The following SMARCE1 variants were observed in gnomAD, a reference collection of about 807,000 sequenced individuals.
SMARCE1 encodes the protein SWI/SNF related BAF chromatin remodeling complex subunit E1.
A neutral mutation model predicts 54.9 loss-of-function variants in SMARCE1; 13 were observed. The observed-to-expected ratio is 0.24, with a 90% CI of 0.15 to 0.38. SMARCE1 has a LOEUF of 0.38. Among genes scored for constraint, SMARCE1 ranks in the 10% least tolerant of loss-of-function variants. SMARCE1 has a pLI of 1.00. For synonymous variants in SMARCE1, 151 were observed against 175.3 expected, an observed-to-expected ratio of 0.86 and a Z score of 1.10; for missense variants, 295 against 523.8, an observed-to-expected ratio of 0.56 and a Z score of 4.26.
At position 40,628,536 on chromosome 17, in the gene SMARCE1, A is replaced by G. The variant is rs2037057379; in HGVS notation, c.*249T>C. The G allele has an allele frequency of 1.4e-5, 6 of 433,160 alleles. No individual in the cohort carries two copies. The Admixed American group carries it at 1.5e-4, about 11-fold the overall frequency. The allele number at this position is 433,160 out of a possible 1,614,324, so 26.8% of individuals were successfully genotyped here. On this transcript the variant is annotated 3_prime_UTR_variant, in exon 11 of 11. Coordinates refer to ENST00000348513, the MANE Select transcript of SMARCE1 (RefSeq NM_003079.5). ...AAAGAGGTGGGTGTTTTCTCAATTA[A>G]TCTAAATTCTGAGGCTTTCAGCAGT...
At chr17:40,644,176 A>G (rs2037227802) in intron 3 of SMARCE1, 1 of 152,238 alleles carries the variant, frequency 6.6e-6, no homozygotes, top group Admixed American at 6.5e-5. Flanking sequence ...ATAAATTATA[A>G]GGGGACACTT....
intron 1 of SMARCE1, among the ~76,000 whole-genome samples, chr17:40,646,359 A>T (rs1418271379): frequency 2.0e-5 from 3 of 152,230 alleles, no homozygotes; most frequent in Admixed American, 1.3e-4. Flanking sequence ...TTATAATGGT[A>T]AATAGCTTCA....
intron 7 of SMARCE1, chr17:40,632,630 C>T (rs372238789): frequency 2.0e-4 from 74 of 377,922 alleles, no homozygotes; most frequent in African/African-American, 1.3e-3. Context: ...AAAACATAAA[C>T]GAGATACAAC....
At position 40,630,708 on chromosome 17, in the gene SMARCE1, G is replaced by C. The variant is rs1245988748; in HGVS notation, c.1027+6C>G. 1 of 1,612,094 alleles carries C rather than the reference G, an allele frequency of 6.2e-7. No individual in the cohort carries two copies. The highest frequency in any genetic ancestry group is 1.1e-5 in the South Asian group (1 of 91,032). The stretch of plus-strand genomic sequence containing the variant: ...ACTGCCTCTGCGTTTGTTGCTAGTG[G>C]GTTACCTGTCTCCATCGGAATGTTC... On this transcript the variant is annotated splice_donor_region_variant and intron_variant, in intron 10 of 10. Coordinates refer to ENST00000348513, the MANE Select transcript of SMARCE1 (RefSeq NM_003079.5).
Position 40,630,851 on chromosome 17 carries a change from C to T in SMARCE1, c.890G>A (p.Arg297His), listed in dbSNP as rs1172017371. The change falls in exon 10 of 11, where the codon CGC (arginine) becomes CAC (histidine). Residue 297 changes from arginine (R) to histidine (H), a missense_variant. Around this residue, in one of 5 missense-constraint regions of SMARCE1, gnomAD observed 147 missense variants for 161.4 expected, o/e 0.91. Transcript: ENST00000348513. ...AEIAQAEEQARKRQEEREKEA... is the reference protein window; with the variant it reads ...AEIAQAEEQAHKRQEEREKEA... ...CTTCTCCCTTTCCTCCTGCCTTTTG[C>T]GGGCCTGTTCCTCTGCCTGTGCAAT... 8.1e-6 allele frequency: 13 copies of T among 1,613,944 alleles called. No homozygotes were observed. Among genetic ancestry groups the T allele is most frequent in the East Asian group, 2.2e-5 (1 of 44,880 alleles).
rs373911947 is a variant in SMARCE1 at position 40,638,130 on chromosome 17, T to C, written c.157-558A>G. 1.1e-4 allele frequency among the ~76,000 whole-genome samples: 17 copies of C among 152,346 alleles called. No homozygotes were observed. The South Asian group carries it at 3.3e-3, about 30-fold the overall frequency. ...CTCCTTTGCCAGGCTAGAGATTTTATTTCTCTTAAGGTTCTGTCTGTTACC... is the reference window on the plus strand; with the variant it reads ...CTCCTTTGCCAGGCTAGAGATTTTACTTCTCTTAAGGTTCTGTCTGTTACC... On this transcript the variant is annotated intron_variant, in intron 4 of 10. Coordinates refer to ENST00000348513, the MANE Select transcript of SMARCE1 (RefSeq NM_003079.5).
chr17:40,632,603 C>T, intron 7 of SMARCE1: 1 of 429,888 alleles, frequency 2.3e-6, no homozygotes, highest in African/African-American at 2.0e-5. Context: ...AATGTTGTGT[C>T]TGAGAAGGAT....
At position 40,628,670 on chromosome 17, in the gene SMARCE1, G is replaced by T; in HGVS notation, c.*115C>A. The stretch of plus-strand genomic sequence containing the variant: ...ATGCTAAATGGTCCAAAAGCCTTTG[G>T]TGGTGTGATATGGACAAGAAAAAAA... On this transcript the variant is annotated 3_prime_UTR_variant, in exon 11 of 11. Coordinates refer to ENST00000348513, the MANE Select transcript of SMARCE1 (RefSeq NM_003079.5). The T allele has an allele frequency of 1.3e-6, 1 of 748,032 alleles. No individual in the cohort carries two copies. Among genetic ancestry groups the T allele is most frequent in the Non-Finnish European group, 2.2e-6 (1 of 446,910 alleles). The allele number at this position is 748,032 out of a possible 1,614,324, so 46.3% of individuals were successfully genotyped here. A position where few individuals can be genotyped will look rare whatever the true frequency, so the allele number is the denominator to read the frequency against.
In SMARCE1 at chr17:40,642,455, C is replaced by T. The variant is rs1240295309; in HGVS notation, c.156G>A (p.Thr52=). Residue 52 remains threonine, a splice_region_variant and synonymous_variant, in exon 4 of 11, where the codon ACG becomes ACA. Coordinates refer to ENST00000348513, the MANE Select transcript of SMARCE1 (RefSeq NM_003079.5). This position sits in a 1 kb window ranked among gnomAD's most constrained non-coding sequence, Gnocchi z 4.6. Reference sequence around the variant, plus strand: ...ATGCTGTAATAGTTGATTCTCCTACCGTGACCCGGCTGTTGGTGCCCGGGT... The same window carrying T: ...ATGCTGTAATAGTTGATTCTCCTACTGTGACCCGGCTGTTGGTGCCCGGGT... The part of the protein sequence containing the change: ...GGNPGTNSRV[T]ASSGITIPKP... 6.4e-7 allele frequency: 1 copy of T among 1,569,936 alleles called. No individual in the cohort carries two copies. The highest frequency in any genetic ancestry group is 8.8e-7 in the Non-Finnish European group (1 of 1,139,854).
intron 7 of SMARCE1, chr17:40,634,445 T>C (rs1376179696): frequency 6.6e-6 from 1 of 152,288 alleles, no homozygotes; most frequent in Non-Finnish European, 1.5e-5. Flanking sequence ...GTCTATCTTT[T>C]GATAGTCCTC....
At position 40,628,718 on chromosome 17, in the gene SMARCE1, A is replaced by G; in HGVS notation, c.*67T>C. 1 of 1,311,308 alleles carries G rather than the reference A, an allele frequency of 7.6e-7. No individual in the cohort carries two copies. The highest frequency in any genetic ancestry group is 1.1e-6 in the Non-Finnish European group (1 of 916,530). 81.2% of individuals were successfully genotyped at this position (1,311,308 alleles called of 1,614,324 possible). A position where few individuals can be genotyped will look rare whatever the true frequency, so the allele number is the denominator to read the frequency against. ...AAAATTAATACACAAACCACGTAAC[A>G]CCATTAAAACCAAAAAACATTTTTT... On this transcript the variant is annotated 3_prime_UTR_variant, in exon 11 of 11. Coordinates refer to ENST00000348513, the MANE Select transcript of SMARCE1 (RefSeq NM_003079.5).
At chr17:40,645,394 G>C in intron 3 of SMARCE1, 182 bp downstream of exon 3, 1 of 488,300 alleles carries the variant, frequency 2.0e-6, no homozygotes, top group Non-Finnish European at 3.6e-6. Flanking sequence ...TAAATGTTGG[G>C]GTTGGTTCAA....
intron 3 of SMARCE1, chr17:40,643,512 T>C (rs1311190561): frequency 1.3e-5 from 2 of 152,144 alleles, no homozygotes; most frequent in African/African-American, 4.8e-5. Flanking sequence ...GCTAATACAA[T>C]GACACTCAAT....
At position 40,632,626 on chromosome 17, in the gene SMARCE1, TA is replaced by T. The variant is rs958244260; in HGVS notation, c.542-260del. The stretch of plus-strand genomic sequence containing the variant: ...GTCTGAGAAGGATTTGGCTAAAACA[TA>T]AACGAGATACAACATGTCTCTTCTG... On this transcript the variant is annotated intron_variant, in intron 7 of 10. Coordinates refer to ENST00000348513, the MANE Select transcript of SMARCE1 (RefSeq NM_003079.5). 4 of 392,862 alleles carry T rather than the reference TA, an allele frequency of 1.0e-5. No individual in the cohort carries two copies. In the Admixed American group the frequency reaches 1.7e-4, roughly 17 times the overall value. 24.3% of individuals were successfully genotyped at this position (392,862 alleles called of 1,614,324 possible).
At position 40,628,289 on chromosome 17, in the gene SMARCE1, C is replaced by T. The variant is rs1438002853; in HGVS notation, c.*496G>A. The T allele has an allele frequency of 6.4e-6, 1 of 156,150 alleles. No individual in the cohort carries two copies. The highest frequency in any genetic ancestry group is 6.2e-5 in the Admixed American group (1 of 16,034). The allele number at this position is 156,150 out of a possible 1,614,324, so 9.7% of individuals were successfully genotyped here. A position where few individuals can be genotyped will look rare whatever the true frequency, so the allele number is the denominator to read the frequency against. On this transcript the variant is annotated 3_prime_UTR_variant, in exon 11 of 11. Transcript: ENST00000348513. Reference sequence around the variant, plus strand: ...GCTTAACACAACTCTTGGTATCTGACATTGATTAAAAGTAAAAAAGGGTAA... The same window carrying T: ...GCTTAACACAACTCTTGGTATCTGATATTGATTAAAAGTAAAAAAGGGTAA...
chr17:40,637,546 T>G lies in SMARCE1; in HGVS notation c.183A>C (p.Lys61Asn), dbSNP rs12103928. The G allele has an allele frequency of 6.2e-7, 1 of 1,613,056 alleles. No individual in the cohort carries two copies. Among genetic ancestry groups the G allele is most frequent in the Middle Eastern group, 1.7e-4 (1 of 6,058 alleles). Residue 61 changes from lysine (K) to asparagine (N), a missense_variant, in exon 5 of 11, where the codon AAA (lysine) becomes AAC (asparagine). Transcript: ENST00000348513. ...GCGGCTTATCTGGTGGCTTTGGGGG[T>G]TTTGGAATCGTGATACCAGAGGATG... ...VTASSGITIP[K>N]PPKPPDKPLM... is the part of the protein sequence containing the mutation.
chr17:40,628,824 T>C lies in SMARCE1; in HGVS notation c.1197A>G (p.Pro399=). The change falls in exon 11 of 11, where the codon CCA becomes CCG. Residue 399 remains proline (P), a synonymous_variant. Coordinates refer to ENST00000348513, the MANE Select transcript of SMARCE1 (RefSeq NM_003079.5). ...CATCTTCTGGTATGGGATCTGTTGG[T>C]GGCTCCTCCACTGTTGCACTGTTGC... ...SESNSATVEE[P]PTDPIPEDEK... 1 of 1,613,852 alleles carries C rather than the reference T, an allele frequency of 6.2e-7. No individual in the cohort carries two copies. The highest frequency in any genetic ancestry group is 8.5e-7 in the Non-Finnish European group (1 of 1,179,808).
At chr17:40,631,436 A>G (rs1567845525) in intron 9 of SMARCE1, 156 bp downstream of exon 9, 1 of 563,938 alleles carries the variant, frequency 1.8e-6, no homozygotes, top group South Asian at 2.4e-5. Context: ...AATGGGAACA[A>G]TCTTATAAAA....
chr17:40,642,263 A>G lies in SMARCE1; in HGVS notation c.156+192T>C, dbSNP rs2037206517. ...ACAGAATGGATTTTTCTTTTCTTCT[A>G]TATACATTCCAGATCTCACTATTTA... is the stretch of plus-strand genomic sequence containing the variant. On this transcript the variant is annotated intron_variant, in intron 4 of 10. Transcript: ENST00000348513. This position sits in a 1 kb window ranked among gnomAD's most constrained non-coding sequence, Gnocchi z 4.6. 9 of 649,038 alleles carry G rather than the reference A, an allele frequency of 1.4e-5. No individual in the cohort carries two copies. Among genetic ancestry groups the G allele is most frequent in the South Asian group, 1.2e-4 (7 of 56,908 alleles). 40.2% of individuals were successfully genotyped at this position (649,038 alleles called of 1,614,324 possible). A position where few individuals can be genotyped will look rare whatever the true frequency, so the allele number is the denominator to read the frequency against.
Sources: gnomAD v4.1 joint callset for allele counts (sites outside exome capture counted in the v4.1 genomes callset) on GRCh38, gnomAD v4.1.1 for gene constraint, gnomAD v4.1.1 regional missense constraint, Gnocchi (gnomAD v3.1) non-coding constraint, MANE v1.5 for transcripts, NCBI Gene and HGNC (gene_info 2026-07-23, HGNC 2026-07-21) for gene names.